The following INSIG2 variants were observed in gnomAD, a reference collection of about 807,000 sequenced individuals.
The protein encoded by INSIG2 is insulin induced gene 2.
INSIG2 carries 10 observed loss-of-function variants against 27.2 expected under a neutral mutation model. That is an observed-to-expected ratio of 0.37 (90% CI 0.23 to 0.62). The LOEUF (loss-of-function observed/expected upper bound fraction) is 0.62. INSIG2 is among the 20% of genes least tolerant of loss of function. The pLI is 0.65. For synonymous variants in INSIG2, 97 were observed against 95.8 expected, an observed-to-expected ratio of 1.01 and a Z score of -0.07; for missense variants, 178 against 270.2, an observed-to-expected ratio of 0.66 and a Z score of 2.39.
intron 1 of INSIG2, among the ~76,000 whole-genome samples, chr2:118,095,438 C>G (rs1384892194): frequency 6.6e-6 from 1 of 152,140 alleles, no homozygotes; most frequent in African/African-American, 2.4e-5. Flanking sequence ...CCTTTCTTTG[C>G]TTTTTTGCGT....
intron 3 of INSIG2, among the ~76,000 whole-genome samples, chr2:118,104,403 A>G (rs926488929): frequency 4.6e-5 from 7 of 152,170 alleles, no homozygotes; most frequent in African/African-American, 1.7e-4. Flanking sequence ...TGGCTGTTGC[A>G]GGTCTGTGAA....
At chr2:118,103,970 T>G (rs911581219) in intron 3 of INSIG2, among the ~76,000 whole-genome samples, 2 of 152,202 alleles carry the variant, frequency 1.3e-5, no homozygotes, top group Non-Finnish European at 2.9e-5. Context: ...CTACCTTCTC[T>G]GCCCAGAAAA....
chr2:118,105,013 T>C (rs966574757), intron 3 of INSIG2, among the ~76,000 whole-genome samples: 1 of 152,152 alleles, frequency 6.6e-6, no homozygotes, highest in Non-Finnish European at 1.5e-5. Context: ...TAATATTAGG[T>C]TACTTAGACT....
At chr2:118,103,120 T>G in intron 2 of INSIG2, 77 bp from the exon 3 acceptor site, 1 of 1,173,372 alleles carries the variant, frequency 8.5e-7, no homozygotes, top group Non-Finnish European at 1.2e-6. Flanking sequence ...CTTGTGGTGG[T>G]TGTAGTGATT....
chr2:118,092,190 G>A (rs1678268114), intron 1 of INSIG2, among the ~76,000 whole-genome samples: 1 of 152,114 alleles, frequency 6.6e-6, no homozygotes, highest in South Asian at 2.1e-4. Flanking sequence ...TCTCAATGTG[G>A]GTTACTCAAA....
chr2:118,106,932 C>CTT (rs1283758725), intron 4 of INSIG2, 29 bp downstream of exon 4: 1 of 1,607,494 alleles, frequency 6.2e-7, no homozygotes, highest in South Asian at 1.1e-5. Flanking sequence ...ATTTTTGGTG[C>CTT]TTGTTTGCTA....
intron 2 of INSIG2, among the ~76,000 whole-genome samples, chr2:118,100,065 C>T (rs1678503102): frequency 6.6e-6 from 1 of 152,164 alleles, no homozygotes; most frequent in African/African-American, 2.4e-5. Context: ...CTGGACCCTG[C>T]AGCTCCCTTT....
Position 118,107,078 on chromosome 2 carries a change from C to A in INSIG2, c.537-12C>A. 1 of 1,571,408 alleles carries A rather than the reference C, an allele frequency of 6.4e-7. No homozygotes were observed. Among genetic ancestry groups the A allele is most frequent in the East Asian group, 2.2e-5 (1 of 44,646 alleles). ...TCCTCTGTGGGTATTAAAGACATGT[C>A]TGTTATTCTAGATATACATCTCCAG... On this transcript the variant is annotated splice_polypyrimidine_tract_variant and intron_variant, in intron 4 of 5. Transcript: ENST00000245787.
intron 2 of INSIG2, among the ~76,000 whole-genome samples, chr2:118,099,813 C>CT (rs1161048853): frequency 6.6e-6 from 1 of 152,202 alleles, no homozygotes; most frequent in African/African-American, 2.4e-5. Context: ...AGTCTTACAT[C>CT]TTTCCTCTGT....
At chr2:118,099,178 T>C (rs940476419) in intron 2 of INSIG2, among the ~76,000 whole-genome samples, 1 of 152,216 alleles carries the variant, frequency 6.6e-6, no homozygotes, top group African/African-American at 2.4e-5. Flanking sequence ...TGTTTTTGTG[T>C]ATATGTGTTG....
In INSIG2 at chr2:118,096,511, C is replaced by G. The variant is rs781120365; in HGVS notation, c.-46C>G. ...ACAGTTGAGCTTTTCAGCTGGGAAG[C>G]CTTTCCATTTTTTTTTTTTTAACGG... On this transcript the variant is annotated 5_prime_UTR_variant, in exon 2 of 6. Transcript: ENST00000245787. 25 of 1,550,096 alleles carry G rather than the reference C, an allele frequency of 1.6e-5. No homozygotes were observed. The highest frequency in any genetic ancestry group is 1.7e-4 in the Middle Eastern group (1 of 5,820).
chr2:118,106,421 T>A (rs888402195), intron 3 of INSIG2, among the ~76,000 whole-genome samples: 1 of 152,226 alleles, frequency 6.6e-6, no homozygotes, highest in Admixed American at 6.5e-5. Context: ...AAAGAAAGCA[T>A]TTCTTAAATA....
rs1678741626 is a variant in INSIG2, at chr2:118,108,831, G to A, written c.*509G>A. 1 of 152,320 alleles carries A rather than the reference G, an allele frequency of 6.6e-6. No individual in the cohort carries two copies. The highest frequency in any genetic ancestry group is 1.5e-5 in the Non-Finnish European group (1 of 68,066). 9.4% of individuals were successfully genotyped at this position (152,320 alleles called of 1,614,324 possible). ...TATTTTTCTAATCACAGCAGTATGA[G>A]TTATGAGTGCCCTAATTTGTGGTTA... On this transcript the variant is annotated 3_prime_UTR_variant, in exon 6 of 6. Coordinates refer to ENST00000245787, the MANE Select transcript of INSIG2 (RefSeq NM_016133.4).
At chr2:118,094,113 G>T (rs1008800040) in intron 1 of INSIG2, among the ~76,000 whole-genome samples, 1 of 72,042 alleles carries the variant, frequency 1.4e-5, no homozygotes, top group Non-Finnish European at 3.4e-5. Flanking sequence ...ATGAGGAGGA[G>T]GAGGAGGAGG....
chr2:118,103,784 G>A (rs987216083), intron 3 of INSIG2, among the ~76,000 whole-genome samples: 1 of 151,444 alleles, frequency 6.6e-6, no homozygotes, highest in African/African-American at 2.4e-5. Context: ...AATCAATACC[G>A]ACAAACCACA....
intron 2 of INSIG2, chr2:118,102,388 A>G (rs1678568101): frequency 6.6e-6 from 1 of 152,236 alleles, no homozygotes; most frequent in South Asian, 2.1e-4. Flanking sequence ...ATAATTAATG[A>G]CACAACATTC....
chr2:118,099,417 T>A (rs936920105), intron 2 of INSIG2, among the ~76,000 whole-genome samples: 3 of 152,234 alleles, frequency 2.0e-5, no homozygotes, highest in Admixed American at 2.0e-4. Flanking sequence ...GTGGGACAAC[T>A]AATAGAGAAC....
At chr2:118,093,209 A>AGATGAT (rs72489038) in intron 1 of INSIG2, among the ~76,000 whole-genome samples, 210 of 8,190 alleles carry the variant, frequency 0.026, 15 homozygotes, top group Non-Finnish European at 0.035. Flanking sequence ...AAAAGCAACC[A>AGATGAT]GATGATGATG....
intron 3 of INSIG2, among the ~76,000 whole-genome samples, chr2:118,104,276 C>A (rs953735248): frequency 6.6e-6 from 1 of 152,140 alleles, no homozygotes; most frequent in Admixed American, 6.6e-5. Context: ...AAGTAGACCC[C>A]TGTGTCTTTC....
Sources: gnomAD v4.1 joint callset for allele counts (sites outside exome capture counted in the v4.1 genomes callset) on GRCh38, gnomAD v4.1.1 for gene constraint, MANE v1.5 for transcripts, NCBI Gene and HGNC (gene_info 2026-07-23, HGNC 2026-07-21) for gene names.